ZNF511: variants seen among roughly 807,000 people sequenced by gnomAD.
The protein encoded by ZNF511 is zinc finger protein 511.
A neutral mutation model predicts 24.8 loss-of-function variants in ZNF511; 26 were observed. That is an observed-to-expected ratio of 1.05 (90% CI 0.77 to 1.46). The LOEUF (loss-of-function observed/expected upper bound fraction) is 1.46, where lower values mean the gene tolerates loss of function less well. Ranked by LOEUF, ZNF511 falls within the 40% of genes most tolerant of loss-of-function variation. The probability of loss-of-function intolerance (pLI) is 0.00; values close to 1 mark genes in which losing one functional copy is unlikely to be tolerated. For synonymous variants in ZNF511, 144 were observed against 139.6 expected (o/e 1.03, Z -0.22); for missense variants, 358 against 345.0 (o/e 1.04, Z -0.30).
chr10:133,309,538 G>A lies in ZNF511; in HGVS notation c.227+75G>A, dbSNP rs1564777994. On this transcript the variant is annotated intron_variant, in intron 2 of 5. Coordinates refer to ENST00000361518, the MANE Select transcript of ZNF511 (RefSeq NM_145806.4). ...TGACCGGTGCCTGGTCCCTGGGGCT[G>A]TGCTGCCGCTCTTCCATGTGCGGCC... 4.0e-6 allele frequency: 6 copies of A among 1,513,742 alleles called. No individual in the cohort carries two copies. The South Asian group carries it at 5.9e-5, about 15-fold the overall frequency. 93.8% of individuals were successfully genotyped at this position (1,513,742 alleles called of 1,614,324 possible).
Position 133,312,982 on chromosome 10 carries a change from C to T in ZNF511, c.*116C>T. On this transcript the variant is annotated 3_prime_UTR_variant, in exon 6 of 6. Transcript: ENST00000361518. ...GGGGGCCAGGCCCTCGCCATCCTCC[C>T]CATCCTTGTTCCTCAGCAAATGGCA... is the stretch of plus-strand genomic sequence containing the variant. The T allele has an allele frequency of 6.4e-7, 1 of 1,557,444 alleles. No individual in the cohort carries two copies. The highest frequency in any genetic ancestry group is 1.9e-5 in the Admixed American group (1 of 53,018).
intron 5 of ZNF511, chr10:133,312,288 C>G (rs1350494544): frequency 8.1e-7 from 1 of 1,234,860 alleles, no homozygotes; most frequent in South Asian, 2.1e-5. Flanking sequence ...TACTGTCTGC[C>G]TTTCTAGCGT....
At chr10:133,310,331 A>C in intron 4 of ZNF511, 43 bp downstream of exon 4, 1 of 1,611,348 alleles carries the variant, frequency 6.2e-7, no homozygotes, top group Non-Finnish European at 8.5e-7. Context: ...TTTTGATTTT[A>C]GGAAAAGGTT....
At chr10:133,311,619 C>G in intron 4 of ZNF511, 97 bp from the exon 5 acceptor site, 1 of 1,065,226 alleles carries the variant, frequency 9.4e-7, no homozygotes, top group Non-Finnish European at 1.4e-6. Context: ...ATGCTACTTA[C>G]AGGGAAATCC....
rs1847960048 is a variant in ZNF511, at chr10:133,310,268, T to C, written c.534T>C (p.Asp178=). 1 of 1,614,002 alleles carries C rather than the reference T, an allele frequency of 6.2e-7. No individual in the cohort carries two copies. Among genetic ancestry groups the C allele is most frequent in the Non-Finnish European group, 8.5e-7 (1 of 1,180,032 alleles). ...MHLYPADFRF[D]KPKKSRSPAS... ...TGTACCCCGCGGACTTCCGGTTTGA[T>C]AAGCCAAAGAAAAGCAGAAGGTAGG... Residue 178 remains aspartate (D), a synonymous_variant, in exon 4 of 6, where the codon GAT becomes GAC. Transcript: ENST00000361518.
At chr10:133,312,483 AG>A (rs1848013239) in intron 5 of ZNF511, 1 of 1,280,000 alleles carries the variant, frequency 7.8e-7, no homozygotes, top group African/African-American at 1.5e-5. Context: ...GGGCTGGGAC[AG>A]TAGGGGTTTT....
rs773215223 is a variant in ZNF511, at chr10:133,310,289, G to T, written c.554+1G>T. The stretch of plus-strand genomic sequence containing the variant: ...TTGATAAGCCAAAGAAAAGCAGAAG[G>T]TAGGGAGCCGCCAGGCTCAGCACGT... On this transcript the variant is annotated splice_donor_variant, in intron 4 of 5. Transcript: ENST00000361518. LOFTEE classifies it high-confidence loss of function. 1.9e-6 allele frequency: 3 copies of T among 1,613,756 alleles called. No homozygotes were observed. Among genetic ancestry groups the T allele is most frequent in the Non-Finnish European group, 2.5e-6 (3 of 1,180,028 alleles).
chr10:133,312,243 A>AT, intron 5 of ZNF511: 1 of 1,303,968 alleles, frequency 7.7e-7, no homozygotes, highest in Non-Finnish European at 9.8e-7. Context: ...CCTTCCTAGC[A>AT]TGACCTGTGC....
rs1010713467 is a variant in ZNF511, at chr10:133,310,342, TC to T, written c.554+56del. 5 of 1,608,632 alleles carry T rather than the reference TC, an allele frequency of 3.1e-6. No individual in the cohort carries two copies. In the African/African-American group the frequency reaches 5.4e-5, roughly 17 times the overall value. On this transcript the variant is annotated intron_variant, in intron 4 of 5. Coordinates refer to ENST00000361518, the MANE Select transcript of ZNF511 (RefSeq NM_145806.4). ...CTGCTTTTGATTTTAGGAAAAGGTTTCCAACTAGCCGGAATGCATAGACGGT... is the reference window on the plus strand; with the variant it reads ...CTGCTTTTGATTTTAGGAAAAGGTTTCAACTAGCCGGAATGCATAGACGGT...
chr10:133,309,407 C>A lies in ZNF511; in HGVS notation c.171C>A (p.Arg57=), dbSNP rs138122775. The change falls in exon 2 of 6, where the codon CGC becomes CGA. Residue 57 remains arginine (R), a synonymous_variant. Transcript: ENST00000361518. ...HQFFEDGDVQ[R]HLYLQDVIMQ... ...TCCTGCAGGATGGGGACGTGCAGCG[C>A]CACCTCTACCTCCAGGACGTGATCA... 1.2e-4 allele frequency: 198 copies of A among 1,611,994 alleles called. No individual in the cohort carries two copies. Among genetic ancestry groups the A allele is most frequent in the Non-Finnish European group, 1.6e-4 (185 of 1,179,682 alleles).
rs1847926986 is a variant in ZNF511 at position 133,309,278 on chromosome 10, G to T, written c.154-112G>T. On this transcript the variant is annotated intron_variant, in intron 1 of 5. Coordinates refer to ENST00000361518, the MANE Select transcript of ZNF511 (RefSeq NM_145806.4). ...CGTGGAGTGGGCGGGGCCTGAGGCT[G>T]TGGGGCGGGACCGGAGCGCGGGATG... The T allele has an allele frequency of 5.0e-6, 7 of 1,403,454 alleles. No individual in the cohort carries two copies. The South Asian group carries it at 9.4e-5, about 19-fold the overall frequency. 86.9% of individuals were successfully genotyped at this position (1,403,454 alleles called of 1,614,324 possible).
intron 4 of ZNF511, among the ~76,000 whole-genome samples, chr10:133,311,203 A>G (rs1166907494): frequency 6.6e-6 from 1 of 152,246 alleles, no homozygotes; most frequent in Non-Finnish European, 1.5e-5. Flanking sequence ...TTCAGACTCT[A>G]CATTTTCTCA....
chr10:133,310,791 A>G (rs1014254253), intron 4 of ZNF511, among the ~76,000 whole-genome samples: 3 of 150,854 alleles, frequency 2.0e-5, no homozygotes, highest in African/African-American at 7.3e-5. Context: ...TCTGGGAAAT[A>G]CTTCCAGGAA....
chr10:133,312,078 C>T lies in ZNF511; in HGVS notation c.680+237C>T, dbSNP rs1589844625. 1.4e-5 allele frequency: 20 copies of T among 1,458,894 alleles called. No homozygotes were observed. The East Asian group carries it at 5.0e-4, about 36-fold the overall frequency. 90.4% of individuals were successfully genotyped at this position (1,458,894 alleles called of 1,614,324 possible). ...AAGCGCAGGAATGCCAAGCACCACT[C>T]ACTTTTCCTCATTGTCTGAGTGGGA... On this transcript the variant is annotated intron_variant, in intron 5 of 5. Coordinates refer to ENST00000361518, the MANE Select transcript of ZNF511 (RefSeq NM_145806.4).
At chr10:133,312,254 CGTCTGCCTTTCTAGCATGACCTGTACT>C (rs1173589249) in intron 5 of ZNF511, 46 of 1,331,738 alleles carry the variant, frequency 3.5e-5, no homozygotes, top group South Asian at 6.7e-5. Context: ...TGACCTGTGC[CGTCTGCCTTTCTAGCATGACCTGTACT>C]GTCTGCCTTT....
intron 2 of ZNF511, 26 bp downstream of exon 2, chr10:133,309,489 A>G: frequency 6.2e-7 from 1 of 1,607,008 alleles, no homozygotes; most frequent in Non-Finnish European, 8.5e-7. Context: ...GTGCCTAGCC[A>G]GTGCTACTCC....
rs754356750 is a variant in ZNF511 at position 133,310,205 on chromosome 10, C to T, written c.471C>T (p.Thr157=). The change falls in exon 4 of 6, where the codon ACC becomes ACT. Residue 157 remains threonine (T), a synonymous_variant. Coordinates refer to ENST00000361518, the MANE Select transcript of ZNF511 (RefSeq NM_145806.4). The part of the protein sequence containing the change: ...LVEGCTEKFK[T]SRDRKDHMVR... ...AAGGCTGCACAGAGAAGTTCAAGACCAGCAGAGACCGGAAGGATCACATGG... is the reference window on the plus strand; with the variant it reads ...AAGGCTGCACAGAGAAGTTCAAGACTAGCAGAGACCGGAAGGATCACATGG... 1.2e-6 allele frequency: 2 copies of T among 1,614,048 alleles called. No individual in the cohort carries two copies. The highest frequency in any genetic ancestry group is 1.1e-5 in the South Asian group (1 of 91,086).
intron 2 of ZNF511, 55 bp from the exon 3 acceptor site, chr10:133,309,721 C>G: frequency 2.5e-6 from 4 of 1,597,064 alleles, no homozygotes; most frequent in Non-Finnish European, 3.4e-6. Flanking sequence ...TGCAGAAAGT[C>G]CAGCTTGGTT....
At position 133,310,303 on chromosome 10, in the gene ZNF511, G is replaced by A. The variant is rs755486094; in HGVS notation, c.554+15G>A. 17 of 1,613,478 alleles carry A rather than the reference G, an allele frequency of 1.1e-5. No individual in the cohort carries two copies. The South Asian group carries it at 1.1e-4, about 10-fold the overall frequency. Reference sequence around the variant, plus strand: ...AAAAGCAGAAGGTAGGGAGCCGCCAGGCTCAGCACGTGTCTGCTTTTGATT... The same window carrying A: ...AAAAGCAGAAGGTAGGGAGCCGCCAAGCTCAGCACGTGTCTGCTTTTGATT... On this transcript the variant is annotated intron_variant, in intron 4 of 5. Coordinates refer to ENST00000361518, the MANE Select transcript of ZNF511 (RefSeq NM_145806.4).
Sources: gnomAD v4.1 joint callset for allele counts (sites outside exome capture counted in the v4.1 genomes callset) on GRCh38, gnomAD v4.1.1 for gene constraint, MANE v1.5 for transcripts, NCBI Gene and HGNC (gene_info 2026-07-23, HGNC 2026-07-21) for gene names.